TTLL5: variants seen among roughly 807,000 people sequenced by gnomAD.
TTLL5 encodes the protein tubulin polyglutamylase TTLL5.
TTLL5 carries 132 observed loss-of-function variants against 168.4 expected under a neutral mutation model. The ratio of observed to expected loss-of-function variants is 0.78; its 90% CI spans 0.68 to 0.91. The LOEUF (loss-of-function observed/expected upper bound fraction) is 0.91. TTLL5 is among the 40% of genes least tolerant of loss of function. TTLL5 has a pLI of 0.00. For synonymous variants in TTLL5, 546 were observed against 558.6 expected, an observed-to-expected ratio of 0.98 and a Z score of 0.32; for missense variants, 1,545 against 1,581.5, an observed-to-expected ratio of 0.98 and a Z score of 0.39.
At chr14:75,745,454 A>T (rs747558175) in intron 16 of TTLL5, 36 bp from the exon 17 acceptor site, 37 of 1,607,714 alleles carry the variant, frequency 2.3e-5, no homozygotes, top group Non-Finnish European at 3.0e-5. Flanking sequence ...TCCGGTTTTC[A>T]AAATAGGTAC....
Position 75,793,213 on chromosome 14 carries a change from T to C in TTLL5, c.3171+113T>C, listed in dbSNP as rs1892820400. The C allele has an allele frequency of 9.5e-6, 9 of 952,012 alleles. No homozygotes were observed. In the East Asian group the frequency reaches 2.5e-4, roughly 27 times the overall value. 59.0% of individuals were successfully genotyped at this position (952,012 alleles called of 1,614,324 possible). ...TTCCCATATACTGATGCCTCTTGAATGAGTATTATTAATAGTTGGTTTCAA... is the reference window on the plus strand; with the variant it reads ...TTCCCATATACTGATGCCTCTTGAACGAGTATTATTAATAGTTGGTTTCAA... On this transcript the variant is annotated intron_variant, in intron 27 of 31. Coordinates refer to ENST00000298832, the MANE Select transcript of TTLL5 (RefSeq NM_015072.5).
In TTLL5 at chr14:75,681,415, C is replaced by T. The variant is rs894971246; in HGVS notation, c.182-130C>T. The T allele has an allele frequency of 4.2e-6, 3 of 707,014 alleles. No homozygotes were observed. In the African/African-American group the frequency reaches 5.3e-5, roughly 13 times the overall value. The allele number at this position is 707,014 out of a possible 1,614,324, so 43.8% of individuals were successfully genotyped here. A position where few individuals can be genotyped will look rare whatever the true frequency, so the allele number is the denominator to read the frequency against. On this transcript the variant is annotated intron_variant, in intron 3 of 31. Transcript: ENST00000298832. ...AAGAACTCATGGTCCAAAATACGTTCAACTTATTTATAATCATTTTAATGG... is the reference window on the plus strand; with the variant it reads ...AAGAACTCATGGTCCAAAATACGTTTAACTTATTTATAATCATTTTAATGG...
chr14:75,818,396 C>A, intron 27 of TTLL5: 1 of 248,028 alleles, frequency 4.0e-6, no homozygotes, highest in Non-Finnish European at 7.8e-6. Context: ...AAATTTGGAT[C>A]TACTCTATAC....
At position 75,752,933 on chromosome 14, in the gene TTLL5, G is replaced by T; in HGVS notation, c.1528G>T (p.Ala510Ser). ...TAAGACCTCAATGAACTATATGCTG[G>T]CAACACGCCTCTTCCAGGACAGGTA... ...EHKTSMNYML[A>S]TRLFQDRMTA... Residue 510 changes from alanine to serine, a missense_variant, in exon 18 of 32, where the codon GCA (alanine) becomes TCA (serine). Coordinates refer to ENST00000298832, the MANE Select transcript of TTLL5 (RefSeq NM_015072.5). 6.2e-7 allele frequency: 1 copy of T among 1,613,042 alleles called. No homozygotes were observed.
chr14:75,769,585 T>G (rs1891158298), intron 20 of TTLL5, among the ~76,000 whole-genome samples: 1 of 152,194 alleles, frequency 6.6e-6, no homozygotes, highest in South Asian at 2.1e-4. Flanking sequence ...AAACAATGAT[T>G]GAAGTCTCAA....
chr14:75,940,522 A>C (rs573172057), intron 31 of TTLL5, among the ~76,000 whole-genome samples: 64 of 152,362 alleles, frequency 4.2e-4, no homozygotes, highest in African/African-American at 1.5e-3. Context: ...TTATGCTTCG[A>C]AACTAGCATG....
intron 28 of TTLL5, among the ~76,000 whole-genome samples, chr14:75,845,026 G>C (rs1387304223): frequency 6.6e-6 from 1 of 152,124 alleles, no homozygotes; most frequent in Non-Finnish European, 1.5e-5. Context: ...CTAATGCCCG[G>C]AATGTCCTTT....
At chr14:75,816,490 T>C (rs186836728) in intron 27 of TTLL5, among the ~76,000 whole-genome samples, 19 of 152,312 alleles carry the variant, frequency 1.2e-4, no homozygotes, top group Middle Eastern at 3.4e-3. Flanking sequence ...AAGATGCATA[T>C]GATGATGTTT....
intron 17 of TTLL5, among the ~76,000 whole-genome samples, chr14:75,748,752 T>C (rs970790977): frequency 6.6e-6 from 1 of 152,246 alleles, no homozygotes; most frequent in Non-Finnish European, 1.5e-5. Flanking sequence ...TTGATCTGTA[T>C]CTTCTCCAAT....
chr14:75,704,703 T>C (rs1566821159), intron 7 of TTLL5, among the ~76,000 whole-genome samples: 1 of 152,238 alleles, frequency 6.6e-6, no homozygotes, highest in Non-Finnish European at 1.5e-5. Context: ...TCTTAGTTGC[T>C]CTTCAGTCTG....
rs377303737 is a variant in TTLL5, at chr14:75,882,727, A to G, written c.3565A>G (p.Thr1189Ala). The change falls in exon 30 of 32, where the codon ACA becomes GCA. Residue 1189 changes from threonine (T) to alanine (A), a missense_variant. Physicochemically the swap from Thr to Ala is moderately conservative, Grantham distance 58 (BLOSUM62 0). Coordinates refer to ENST00000298832, the MANE Select transcript of TTLL5 (RefSeq NM_015072.5). ...GACACTACCTAACTCCAATTTATGG[A>G]CAATGAATAATGGTGCAGGTTGTAG... ...SQTLPNSNLW[T>A]MNNGAGCRIS... is the part of the protein sequence containing the mutation. 1.2e-5 allele frequency: 20 copies of G among 1,613,710 alleles called. No homozygotes were observed. Among genetic ancestry groups the G allele is most frequent in the Non-Finnish European group, 1.7e-5 (20 of 1,179,950 alleles).
chr14:75,797,245 G>A (rs1456674860), intron 27 of TTLL5, among the ~76,000 whole-genome samples: 3 of 152,108 alleles, frequency 2.0e-5, no homozygotes, highest in Non-Finnish European at 2.9e-5. Flanking sequence ...GTGTATAGCA[G>A]TGCTACTGAT....
At chr14:75,914,923 G>A (rs1435148157) in intron 31 of TTLL5, among the ~76,000 whole-genome samples, 2 of 151,964 alleles carry the variant, frequency 1.3e-5, no homozygotes, top group African/African-American at 4.8e-5. Flanking sequence ...GTGCCCGGCC[G>A]ATCGCTACTC....
intron 27 of TTLL5, among the ~76,000 whole-genome samples, chr14:75,800,086 T>A (rs1158732371): frequency 6.6e-6 from 1 of 152,246 alleles, no homozygotes; most frequent in Non-Finnish European, 1.5e-5. Context: ...TTTCTCTTCT[T>A]CCTCGGGAAC....
At chr14:75,715,200 G>A (rs528200240) in intron 9 of TTLL5, among the ~76,000 whole-genome samples, 124 of 151,172 alleles carry the variant, frequency 8.2e-4, no homozygotes, top group Non-Finnish European at 1.3e-3. Context: ...CTTATTTGGT[G>A]GCCTCCCTGC....
chr14:75,773,919 TATATATATAG>T (rs200985110), intron 21 of TTLL5, among the ~76,000 whole-genome samples: 11 of 30,326 alleles, frequency 3.6e-4, no homozygotes, highest in Non-Finnish European at 7.0e-4. Context: ...TATATATATA[TATATATATAG>T]AGAGAGAGAG....
chr14:75,767,751 G>T (rs1234342652), intron 20 of TTLL5, among the ~76,000 whole-genome samples: 1 of 152,194 alleles, frequency 6.6e-6, no homozygotes, highest in Non-Finnish European at 1.5e-5. Flanking sequence ...AATCGTGCTT[G>T]CATTGTGGGA....
In TTLL5 at chr14:75,863,926, A is replaced by AAAAAAG. The variant is rs2030266286; in HGVS notation, c.3522+69_3522+70insGAAAAA. 1.2e-3 allele frequency: 1,500 copies of AAAAAAG among 1,256,526 alleles called. 16 individuals are homozygous for AAAAAAG. Among genetic ancestry groups the AAAAAAG allele is most frequent in the East Asian group, 6.3e-3 (198 of 31,648 alleles). The allele number at this position is 1,256,526 out of a possible 1,614,324, so 77.8% of individuals were successfully genotyped here. A position where few individuals can be genotyped will look rare whatever the true frequency, so the allele number is the denominator to read the frequency against. ...CTGCTGTTGGTAAAAAAAAAAAAAA[A>AAAAAAG]AAAAAAAAGGTCAGTGAATGAGAAA... On this transcript the variant is annotated intron_variant, in intron 29 of 31. Coordinates refer to ENST00000298832, the MANE Select transcript of TTLL5 (RefSeq NM_015072.5).
chr14:75,669,507 A>G lies in TTLL5; in HGVS notation c.166A>G (p.Ile56Val), dbSNP rs1457536531. ...ADAILTKDNN[I>V]RVIGERYHLS... ...CGCTATTCTTACAAAGGACAACAAT[A>G]TTAGAGTAATTGGAGGTGCGTATAA... The change falls in exon 3 of 32, where the codon ATT becomes GTT. Residue 56 changes from isoleucine to valine, a missense_variant. Coordinates refer to ENST00000298832, the MANE Select transcript of TTLL5 (RefSeq NM_015072.5). 3 of 1,613,878 alleles carry G rather than the reference A, an allele frequency of 1.9e-6. No individual in the cohort carries two copies. Among genetic ancestry groups the G allele is most frequent in the Non-Finnish European group, 2.5e-6 (3 of 1,179,880 alleles).
Sources: allele counts gnomAD v4.1 joint callset (sites outside exome capture counted in the v4.1 genomes callset), GRCh38; gene constraint gnomAD v4.1.1; transcripts MANE v1.5; gene names NCBI Gene and HGNC (gene_info 2026-07-23, HGNC 2026-07-21).